Variants in UBE3A observed in about 807,000 individuals in gnomAD.
UBE3A encodes ubiquitin-protein ligase E3A.
UBE3A carries 6 observed loss-of-function variants against 83.4 expected under a neutral mutation model. That is an observed-to-expected ratio of 0.07 (90% confidence interval 0.04 to 0.14). The LOEUF is 0.14. Among genes scored for constraint, UBE3A ranks in the 10% least tolerant of loss-of-function variants. UBE3A has a pLI of 1.00. For synonymous variants in UBE3A, 337 were observed against 355.4 expected, an observed-to-expected ratio of 0.95 and a Z score of 0.58; for missense variants, 456 against 1,036.1, an observed-to-expected ratio of 0.44 and a Z score of 7.69.
At chr15:25,378,950 T>G (rs1432233559) in intron 4 of UBE3A, among the ~76,000 whole-genome samples, 2 of 152,164 alleles carry the variant, frequency 1.3e-5, no homozygotes, top group Non-Finnish European at 2.9e-5. Flanking sequence ...TTATAGACAT[T>G]CCCACTTTAG....
intron 4 of UBE3A, among the ~76,000 whole-genome samples, chr15:25,389,798 G>C (rs2083916441): frequency 6.6e-6 from 1 of 152,166 alleles, no homozygotes; most frequent in Admixed American, 6.5e-5. Flanking sequence ...TGACGCAGGA[G>C]AATCACTTGA....
intron 4 of UBE3A, among the ~76,000 whole-genome samples, chr15:25,386,086 A>G (rs376172341): frequency 3.9e-5 from 6 of 152,134 alleles, no homozygotes; most frequent in African/African-American, 1.2e-4. Flanking sequence ...GGGGGAAGAG[A>G]AATAACCCAA....
chr15:25,422,947 A>G (rs902140451), intron 1 of UBE3A, among the ~76,000 whole-genome samples: 3 of 152,002 alleles, frequency 2.0e-5, no homozygotes, highest in Non-Finnish European at 4.4e-5. Flanking sequence ...GCAGGGAGCT[A>G]TGGTTGCTCC....
chr15:25,419,554 A>C (rs1419018620), intron 1 of UBE3A: 2 of 152,132 alleles, frequency 1.3e-5, no homozygotes, highest in African/African-American at 4.8e-5. Flanking sequence ...ACCAGCAACA[A>C]ACTTGGATCT....
chr15:25,393,020 T>C (rs771188230), intron 4 of UBE3A, among the ~76,000 whole-genome samples: 5 of 152,062 alleles, frequency 3.3e-5, no homozygotes, highest in Non-Finnish European at 5.9e-5. Context: ...AACCATTAGA[T>C]AAGAACTAAA....
At chr15:25,421,362 C>A (rs1366300687) in intron 1 of UBE3A, among the ~76,000 whole-genome samples, 1 of 152,188 alleles carries the variant, frequency 6.6e-6, no homozygotes. Flanking sequence ...AAATAAACTT[C>A]TTTTCTTTTT....
At chr15:25,405,605 A>C (rs760415360) in intron 3 of UBE3A, 103 bp from the exon 4 acceptor site, 61 of 1,203,864 alleles carry the variant, frequency 5.1e-5, no homozygotes, top group Non-Finnish European at 7.0e-5. Context: ...AGATTTAAGC[A>C]CTAAATAAAA....
intron 11 of UBE3A, among the ~76,000 whole-genome samples, chr15:25,351,117 G>A (rs1411956262): frequency 1.3e-5 from 2 of 152,124 alleles, no homozygotes; most frequent in African/African-American, 4.8e-5. Flanking sequence ...AGAGCAGTTA[G>A]GGAATCACAT....
intron 6 of UBE3A, among the ~76,000 whole-genome samples, chr15:25,367,332 A>AT (rs1243736616): frequency 8.0e-5 from 12 of 150,756 alleles, no homozygotes; most frequent in African/African-American, 2.7e-4. Flanking sequence ...TATATTAAAA[A>AT]TGTAAATTTG....
chr15:25,407,029 C>T, intron 3 of UBE3A: 1 of 1,314,206 alleles, frequency 7.6e-7, no homozygotes, highest in South Asian at 1.2e-5. Context: ...ACTCCACCCT[C>T]TCCCCCAGGG....
intron 11 of UBE3A, among the ~76,000 whole-genome samples, chr15:25,350,601 CAT>C (rs2076358865): frequency 6.6e-6 from 1 of 152,176 alleles, no homozygotes. Context: ...TCCACTCCTA[CAT>C]GTTTGCCCAG....
intron 1 of UBE3A, among the ~76,000 whole-genome samples, chr15:25,413,180 A>G (rs1381368034): frequency 6.6e-6 from 1 of 152,164 alleles, no homozygotes; most frequent in Non-Finnish European, 1.5e-5. Flanking sequence ...GAATCCTAAT[A>G]CCAGACATAG....
At chr15:25,389,259 T>C (rs1465073499) in intron 4 of UBE3A, among the ~76,000 whole-genome samples, 1 of 15,552 alleles carries the variant, frequency 6.4e-5, no homozygotes, top group Non-Finnish European at 3.1e-4. Context: ...AACATCCACA[T>C]GCAAAAAAAA....
At position 25,379,530 on chromosome 15, in the gene UBE3A, A is replaced by G. The variant is rs574433363; in HGVS notation, c.63-3767T>C. Reference sequence around the variant, plus strand: ...CCAGAACCTCCAAGTTAATGGTGGAATCAACTATATTAAGCATTCTTCTTT... The same window carrying G: ...CCAGAACCTCCAAGTTAATGGTGGAGTCAACTATATTAAGCATTCTTCTTT... On this transcript the variant is annotated intron_variant, in intron 4 of 12. Coordinates refer to ENST00000648336, the MANE Select transcript of UBE3A (RefSeq NM_130839.5). 4.6e-5 allele frequency among the ~76,000 whole-genome samples: 7 copies of G among 152,330 alleles called. No individual in the cohort carries two copies. The South Asian group carries it at 1.5e-3, about 32-fold the overall frequency.
At chr15:25,401,042 A>G (rs2086957457) in intron 4 of UBE3A, among the ~76,000 whole-genome samples, 1 of 152,094 alleles carries the variant, frequency 6.6e-6, no homozygotes. Flanking sequence ...CTTTTTCTCA[A>G]TTATCTCAAT....
In UBE3A at chr15:25,371,153, G is replaced by C; in HGVS notation, c.1021C>G (p.Gln341Glu). The C allele has an allele frequency of 1.9e-6, 3 of 1,614,152 alleles. No individual in the cohort carries two copies. Among genetic ancestry groups the C allele is most frequent in the Non-Finnish European group, 2.5e-6 (3 of 1,180,030 alleles). Reference protein sequence around the residue: ...DQIRRMMETFQQLITYKVISN... With the variant: ...DQIRRMMETFEQLITYKVISN... ...ATGACTTTATAAGTAATAAGTTGCT[G>C]AAATGTCTCCATCATTCTCCGAATC... is the stretch of plus-strand genomic sequence containing the variant. Residue 341 changes from glutamine to glutamate, a missense_variant, in exon 6 of 13, where the codon CAG (glutamine) becomes GAG (glutamate). Around this residue, in one of 13 missense-constraint regions of UBE3A, gnomAD observed 85 missense variants for 137.0 expected, o/e 0.62. Coordinates refer to ENST00000648336, the MANE Select transcript of UBE3A (RefSeq NM_130839.5). The surrounding 1 kb of genome is among the most constrained non-coding windows in gnomAD (Gnocchi z 5.3).
rs1375758421 is a variant in UBE3A at position 25,337,885 on chromosome 15, A to C, written c.*1252T>G. The C allele has an allele frequency of 6.6e-6, 1 of 152,212 alleles. No individual in the cohort carries two copies. The highest frequency in any genetic ancestry group is 1.5e-5 in the Non-Finnish European group (1 of 68,016). The allele number at this position is 152,212 out of a possible 1,614,324, so 9.4% of individuals were successfully genotyped here. Reference sequence around the variant, plus strand: ...CTTACTTCTGGAAATCAGTAATGTAAACCTACTTGTACTTTTCCATAGTAC... The same window carrying C: ...CTTACTTCTGGAAATCAGTAATGTACACCTACTTGTACTTTTCCATAGTAC... On this transcript the variant is annotated 3_prime_UTR_variant, in exon 13 of 13. Coordinates refer to ENST00000648336, the MANE Select transcript of UBE3A (RefSeq NM_130839.5).
chr15:25,347,759 T>TAA (rs148526028), intron 11 of UBE3A, among the ~76,000 whole-genome samples: 1 of 151,874 alleles, frequency 6.6e-6, no homozygotes, highest in East Asian at 1.9e-4. Context: ...TCAAGGGTCT[T>TAA]AAAAATCTTA....
intron 11 of UBE3A, among the ~76,000 whole-genome samples, chr15:25,348,138 G>A (rs1362921058): frequency 9.9e-5 from 15 of 151,792 alleles, no homozygotes; most frequent in Non-Finnish European, 1.5e-5. Flanking sequence ...CAATCACCAA[G>A]ACATAGTAAT....
Sources: gnomAD v4.1 joint callset for allele counts (sites outside exome capture counted in the v4.1 genomes callset) on GRCh38, gnomAD v4.1.1 for gene constraint, gnomAD v4.1.1 regional missense constraint, Gnocchi (gnomAD v3.1) non-coding constraint, MANE v1.5 for transcripts, NCBI Gene and HGNC (gene_info 2026-07-23, HGNC 2026-07-21) for gene names.